Variants in WASHC2C observed in about 807,000 individuals in gnomAD.
WASHC2C encodes WASH complex subunit 2C, also known as Vaccinia Penetration Factor.
In WASHC2C, 73 loss-of-function variants were observed where a neutral mutation model predicts 142.2. That is an observed-to-expected ratio of 0.51 (90% confidence interval 0.43 to 0.62). The LOEUF is 0.62. WASHC2C is among the 20% of genes least tolerant of loss of function. The probability of loss-of-function intolerance (pLI) is 0.00; values close to 1 mark genes in which losing one functional copy is unlikely to be tolerated. For missense variants in WASHC2C, 969 were observed against 1,531.7 expected, an observed-to-expected ratio of 0.63 and a Z score of 6.13; for synonymous variants, 337 against 565.5, an observed-to-expected ratio of 0.60 and a Z score of 5.73.
chr10:45,728,324 C>A (rs1328980857), intron 2 of WASHC2C, among the ~76,000 whole-genome samples: 1 of 152,126 alleles, frequency 6.6e-6, no homozygotes, highest in Non-Finnish European at 1.5e-5. Flanking sequence ...CCACCATACC[C>A]AGTGCCAAAA....
chr10:45,747,399 C>A (rs1282408329), intron 8 of WASHC2C, among the ~76,000 whole-genome samples: 1 of 152,094 alleles, frequency 6.6e-6, no homozygotes, highest in Non-Finnish European at 1.5e-5. Context: ...CCACCTTGGC[C>A]TCCCAAAATG....
chr10:45,776,203 A>AATC, intron 21 of WASHC2C, among the ~76,000 whole-genome samples: 1 of 151,980 alleles, frequency 6.6e-6, no homozygotes, highest in Non-Finnish European at 1.5e-5. Context: ...CATGATTAGC[A>AATC]ATGTCCTTCC....
chr10:45,765,293 A>G (rs1380273437), intron 18 of WASHC2C, among the ~76,000 whole-genome samples: 1 of 150,828 alleles, frequency 6.6e-6, no homozygotes, highest in Non-Finnish European at 1.5e-5. Flanking sequence ...TCGTGGAGAC[A>G]ACAGTGTGAG....
In WASHC2C at chr10:45,727,317, G is replaced by A. The variant is rs1241703940; in HGVS notation, c.-1G>A. 4 of 1,578,144 alleles carry A rather than the reference G, an allele frequency of 2.5e-6. No individual in the cohort carries two copies. In the South Asian group the frequency reaches 3.4e-5, roughly 13 times the overall value. ...GGAGCCCACCGAGCCGGGCGGCTGG[G>A]ATGGTGAGGGCGGCGGGCCGGAGAG... On this transcript the variant is annotated 5_prime_UTR_variant, in exon 1 of 31. Transcript: ENST00000623400.
Position 45,756,933 on chromosome 10 carries a change from G to A in WASHC2C, c.1421-79G>A. Reference sequence around the variant, plus strand: ...ACTTTTTATGTTTATTCTTTGGGAGGGAAGAATTTTTTAATCTGTGAATTT... The same window carrying A: ...ACTTTTTATGTTTATTCTTTGGGAGAGAAGAATTTTTTAATCTGTGAATTT... On this transcript the variant is annotated intron_variant, in intron 15 of 30. Transcript: ENST00000623400. The A allele has an allele frequency of 3.5e-6, 4 of 1,130,234 alleles. No homozygotes were observed. The South Asian group carries it at 4.7e-5, about 13-fold the overall frequency. 70.0% of individuals were successfully genotyped at this position (1,130,234 alleles called of 1,614,324 possible). A position where few individuals can be genotyped will look rare whatever the true frequency, so the allele number is the denominator to read the frequency against.
chr10:45,734,728 T>C (rs201652414), intron 3 of WASHC2C, among the ~76,000 whole-genome samples: 3,833 of 151,568 alleles, frequency 0.025, 62 homozygotes, highest in East Asian at 0.051. Context: ...CTTTTTATTC[T>C]TTTTTTGTTT....
chr10:45,770,930 A>G (rs1331443043), intron 20 of WASHC2C, among the ~76,000 whole-genome samples: 5 of 152,188 alleles, frequency 3.3e-5, no homozygotes, highest in African/African-American at 9.7e-5. Context: ...GAGCTGGCAC[A>G]TTCTGAGCCC....
At chr10:45,784,252 G>GTGTATATATATATA (rs1554888863) in intron 23 of WASHC2C, among the ~76,000 whole-genome samples, 2 of 40,720 alleles carry the variant, frequency 4.9e-5, no homozygotes, top group South Asian at 1.0e-3. Flanking sequence ...GTGTGTGTGT[G>GTGTATATATATATA]TATATATATA....
intron 5 of WASHC2C, among the ~76,000 whole-genome samples, chr10:45,740,907 G>A (rs1374051622): frequency 1.0e-5 from 1 of 98,852 alleles, no homozygotes; most frequent in Non-Finnish European, 2.1e-5. Context: ...AAGAGGCCTT[G>A]TGACACACAA....
intron 29 of WASHC2C, among the ~76,000 whole-genome samples, chr10:45,789,968 T>C (rs1355435710): frequency 3.9e-5 from 6 of 152,196 alleles, no homozygotes; most frequent in Non-Finnish European, 8.8e-5. Flanking sequence ...AGGCACAAGG[T>C]GAACTCAGAG....
chr10:45,769,180 C>T (rs551967772), intron 19 of WASHC2C, among the ~76,000 whole-genome samples: 9 of 152,038 alleles, frequency 5.9e-5, no homozygotes, highest in East Asian at 1.9e-4. Context: ...TGCAGTGGCA[C>T]GATCTCCGTT....
At chr10:45,753,940 C>CA (rs1440751369) in intron 13 of WASHC2C, among the ~76,000 whole-genome samples, 2 of 150,742 alleles carry the variant, frequency 1.3e-5, no homozygotes, top group African/African-American at 4.9e-5. Context: ...GCGCAGGCAT[C>CA]AGAGCTGGGC....
At chr10:45,757,365 A>G (rs1232485302) in intron 16 of WASHC2C, among the ~76,000 whole-genome samples, 4 of 146,658 alleles carry the variant, frequency 2.7e-5, no homozygotes, top group African/African-American at 1.0e-4. Flanking sequence ...TTACATATCT[A>G]TTTTTTTCCT....
In WASHC2C at chr10:45,754,927, C is replaced by T. The variant is rs1472097800; in HGVS notation, c.1241-9C>T. ...CACAGCTGTGGCTGTCTTGTCCCTT[C>T]ACTCACAGGAGACACGGATGTGTTT... On this transcript the variant is annotated splice_polypyrimidine_tract_variant and intron_variant, in intron 14 of 30. Transcript: ENST00000623400. 1.2e-5 allele frequency: 20 copies of T among 1,611,878 alleles called. No individual in the cohort carries two copies. The highest frequency in any genetic ancestry group is 1.6e-5 in the Non-Finnish European group (19 of 1,179,866).
intron 6 of WASHC2C, 65 bp downstream of exon 6, chr10:45,743,548 A>G (rs2052411669): frequency 1.3e-6 from 2 of 1,572,632 alleles, no homozygotes; most frequent in East Asian, 4.8e-5. Flanking sequence ...ATAATTTCAA[A>G]TTTTACATTA....
chr10:45,749,030 G>C (rs2053205620), intron 8 of WASHC2C, among the ~76,000 whole-genome samples: 1 of 152,130 alleles, frequency 6.6e-6, no homozygotes, highest in Admixed American at 6.5e-5. Context: ...GACCTACCTT[G>C]GATGGCTCTC....
chr10:45,749,094 A>G (rs1193024679), intron 8 of WASHC2C, among the ~76,000 whole-genome samples: 1 of 152,052 alleles, frequency 6.6e-6, no homozygotes, highest in Non-Finnish European at 1.5e-5. Flanking sequence ...TACTAAGGTA[A>G]GACTATGCTG....
At chr10:45,784,319 CATAT>C (rs1163127472) in intron 23 of WASHC2C, among the ~76,000 whole-genome samples, 1 of 95,188 alleles carries the variant, frequency 1.1e-5, no homozygotes, top group African/African-American at 4.5e-5. Flanking sequence ...TATACACACA[CATAT>C]ATATATATAT....
At chr10:45,766,891 G>A (rs1432321619) in intron 19 of WASHC2C, among the ~76,000 whole-genome samples, 1 of 151,978 alleles carries the variant, frequency 6.6e-6, no homozygotes, top group Non-Finnish European at 1.5e-5. Context: ...GGGTGAAGTG[G>A]ATATATAAGT....
Sources: gnomAD v4.1 joint callset for allele counts (sites outside exome capture counted in the v4.1 genomes callset) on GRCh38, gnomAD v4.1.1 for gene constraint, MANE v1.5 for transcripts, NCBI Gene and HGNC (gene_info 2026-07-23, HGNC 2026-07-21) for gene names.